Variants in PINLYP observed in about 807,000 individuals in gnomAD.
PINLYP encodes the protein phospholipase A2 inhibitor and Ly6/PLAUR domain-containing protein.
PINLYP carries 12 observed loss-of-function variants against 15.8 expected under a neutral mutation model. The observed-to-expected ratio is 0.76, with a 90% CI of 0.49 to 1.23. The LOEUF is 1.23. PINLYP is among the 50% of genes most tolerant of loss of function. PINLYP has a pLI of 0.00. For synonymous variants in PINLYP, 93 were observed against 97.7 expected (o/e 0.95, Z 0.28); for missense variants, 278 against 264.2 (o/e 1.05, Z -0.36).
At chr19:43,581,160 G>A in intron 3 of PINLYP, 52 bp from the exon 4 acceptor site, 1 of 1,519,122 alleles carries the variant, frequency 6.6e-7, no homozygotes, top group South Asian at 1.2e-5. Flanking sequence ...GGCAGGGGTT[G>A]AAGCCAGGGA....
chr19:43,577,196 G>C (rs1972876305), exon 2 of PINLYP: 1 of 1,536,104 alleles, frequency 6.5e-7, no homozygotes, highest in Non-Finnish European at 8.7e-7. Context: ...CACACCATGA[G>C]GCTCTCCAGG....
chr19:43,581,746 G>T (rs573537661), intron 5 of PINLYP, 43 bp downstream of exon 5: 1 of 1,535,502 alleles, frequency 6.5e-7, no homozygotes, highest in Admixed American at 2.0e-5. Context: ...CAGAACTAGA[G>T]GTCCAAACTT....
exon 6 of PINLYP, chr19:43,581,989 T>C: frequency 6.5e-7 from 1 of 1,536,180 alleles, no homozygotes; most frequent in Non-Finnish European, 8.7e-7. Flanking sequence ...TAGAGTGCAC[T>C]CACTCCCCCT....
chr19:43,580,792 A>C lies in PINLYP; in HGVS notation c.188-420A>C. On this transcript the variant is annotated intron_variant, in intron 3 of 5. Coordinates refer to ENST00000599207, the Ensembl canonical transcript of PINLYP. ...CAGACAGATTTGGCCGCATGGCTCTAGGGGGCTTGAAAGAGACCGCCCCGG... is the reference window on the plus strand; with the variant it reads ...CAGACAGATTTGGCCGCATGGCTCTCGGGGGCTTGAAAGAGACCGCCCCGG... 3 of 761,504 alleles carry C rather than the reference A, an allele frequency of 3.9e-6. No homozygotes were observed. In the South Asian group the frequency reaches 1.5e-4, roughly 37 times the overall value. The allele number at this position is 761,504 out of a possible 1,614,324, so 47.2% of individuals were successfully genotyped here. A position where few individuals can be genotyped will look rare whatever the true frequency, so the allele number is the denominator to read the frequency against.
At position 43,581,200 on chromosome 19, in the gene PINLYP, C is replaced by G. The variant is rs1201468252; in HGVS notation, c.188-12C>G. On this transcript the variant is annotated splice_polypyrimidine_tract_variant and intron_variant, in intron 3 of 5. Coordinates refer to ENST00000599207, the Ensembl canonical transcript of PINLYP. ...TCAGCCAGCACTGTCCCTGCCTGTCCCCATCCCACAGAGGGCAAGGAGTTG... is the reference window on the plus strand; with the variant it reads ...TCAGCCAGCACTGTCCCTGCCTGTCGCCATCCCACAGAGGGCAAGGAGTTG... The G allele has an allele frequency of 1.3e-6, 2 of 1,536,270 alleles. No individual in the cohort carries two copies. Among genetic ancestry groups the G allele is most frequent in the Non-Finnish European group, 1.7e-6 (2 of 1,146,646 alleles).
chr19:43,581,173 G>T (rs1484101116), intron 3 of PINLYP, 39 bp from the exon 4 acceptor site: 1 of 1,527,244 alleles, frequency 6.5e-7, no homozygotes, highest in Admixed American at 2.0e-5. Flanking sequence ...GCCAGGGAGT[G>T]GTCAGCCAGC....
intron 3 of PINLYP, chr19:43,580,742 T>G (rs115681905): frequency 1.1e-6 from 1 of 944,840 alleles, no homozygotes; most frequent in Admixed American, 6.1e-5. Context: ...GAGGGCTACC[T>G]AAGAAAGCAC....
chr19:43,581,527 A>G (rs951730088), intron 4 of PINLYP, 36 bp from the exon 5 acceptor site: 8 of 1,521,614 alleles, frequency 5.3e-6, no homozygotes, highest in Non-Finnish European at 7.0e-6. Context: ...CGGCTTAAAC[A>G]TCCCTATTCA....
exon 4 of PINLYP, chr19:43,581,225 G>A (rs1422264290): frequency 3.3e-6 from 5 of 1,536,848 alleles, no homozygotes; most frequent in Non-Finnish European, 3.5e-6. Context: ...GCAAGGAGTT[G>A]GTGCACACCT....
chr19:43,577,007 G>A (rs997846160), intron 1 of PINLYP, 88 bp downstream of exon 1: 6 of 1,104,864 alleles, frequency 5.4e-6, no homozygotes, highest in African/African-American at 1.6e-5. Context: ...GAGGTGGGGG[G>A]CTGGGCACAA....
chr19:43,577,778 C>T (rs1000637610), intron 2 of PINLYP, among the ~76,000 whole-genome samples: 9 of 151,680 alleles, frequency 5.9e-5, no homozygotes, highest in East Asian at 1.9e-4. Context: ...TGGTGGTGGG[C>T]GCCTGTAATC....
At chr19:43,575,539 G>A (rs759578213), upstream of PINLYP, 3 of 1,462,336 alleles carry the variant, frequency 2.1e-6, no homozygotes, top group African/African-American at 1.4e-5. Flanking sequence ...GGAGGGGGCG[G>A]GGTGCGCCCT....
intron 3 of PINLYP, among the ~76,000 whole-genome samples, chr19:43,579,276 C>T (rs150636347): frequency 0.1 from 15,448 of 151,828 alleles, 929 homozygotes; most frequent in Admixed American, 0.15. Context: ...GACAGAGTCT[C>T]GCTCTGTCAC....
At chr19:43,578,151 A>T (rs1233398519) in intron 2 of PINLYP, among the ~76,000 whole-genome samples, 3 of 151,856 alleles carry the variant, frequency 2.0e-5, no homozygotes, top group Non-Finnish European at 4.4e-5. Flanking sequence ...TGGGATGCAG[A>T]CCCTAGCCTC....
At chr19:43,578,769 T>A in intron 3 of PINLYP, 63 bp downstream of exon 3, 1 of 1,261,602 alleles carries the variant, frequency 7.9e-7, no homozygotes, top group Non-Finnish European at 1.1e-6. Context: ...TGGAAGAGAC[T>A]ACCATGCTGA....
chr19:43,576,699 G>A (rs1972869244), exon 1 of PINLYP: 2 of 163,446 alleles, frequency 1.2e-5, no homozygotes, highest in African/African-American at 2.4e-5. Context: ...AGCACATGAA[G>A]AGAGGGGAAG....
chr19:43,579,177 T>A (rs1207668675), intron 3 of PINLYP: 2 of 177,148 alleles, frequency 1.1e-5, no homozygotes, highest in Non-Finnish European at 2.4e-5. Flanking sequence ...AGTGTTGGAG[T>A]GGTGGAAGAG....
intron 3 of PINLYP, chr19:43,580,790 C>T (rs959184332): frequency 1.3e-6 from 1 of 766,884 alleles, no homozygotes; most frequent in African/African-American, 1.9e-5. Context: ...CCGCATGGCT[C>T]TAGGGGGCTT....
intron 1 of PINLYP, 79 bp from the exon 2 acceptor site, chr19:43,577,036 G>T: frequency 7.1e-7 from 1 of 1,406,060 alleles, no homozygotes; most frequent in Non-Finnish European, 9.5e-7. Context: ...GGTCACTTTT[G>T]GATTCTGGTT....
Sources: gnomAD v4.1 joint callset for allele counts (sites outside exome capture counted in the v4.1 genomes callset) on GRCh38, gnomAD v4.1.1 for gene constraint, MANE v1.5 for transcripts, NCBI Gene and HGNC (gene_info 2026-07-23, HGNC 2026-07-21) for gene names.